Variants in TNNI3K observed in about 807,000 individuals in gnomAD.
TNNI3K encodes serine/threonine-protein kinase TNNI3K.
A neutral mutation model predicts 114.5 loss-of-function variants in TNNI3K; 140 were observed. That is an observed-to-expected ratio of 1.22 (90% CI 1.07 to 1.41). TNNI3K has a LOEUF of 1.41. Ranked by LOEUF, TNNI3K falls within the 40% of genes most tolerant of loss-of-function variation. The pLI, the probability that TNNI3K is intolerant of heterozygous loss-of-function variation, is 0.00. For missense variants in TNNI3K, 1,125 were observed against 1,007.6 expected (o/e 1.12, Z -1.58); for synonymous variants, 347 against 347.5 (o/e 1.00, Z 0.02).
At chr1:74,504,045 T>A (rs542478205) in intron 23 of TNNI3K, among the ~76,000 whole-genome samples, 2 of 152,310 alleles carry the variant, frequency 1.3e-5, no homozygotes, top group South Asian at 4.1e-4. Context: ...ACATAACACC[T>A]CTTCACCGCA....
chr1:74,450,930 A>G (rs910878019), intron 20 of TNNI3K, among the ~76,000 whole-genome samples: 40 of 152,212 alleles, frequency 2.6e-4, no homozygotes, highest in African/African-American at 8.9e-4. Context: ...TCATTCTATT[A>G]TAAAGATACA....
chr1:74,304,647 GT>G (rs1217485203), intron 5 of TNNI3K, among the ~76,000 whole-genome samples: 6 of 151,882 alleles, frequency 4.0e-5, no homozygotes, highest in Admixed American at 3.9e-4. Flanking sequence ...GTCTCACTAT[GT>G]TTCCCGGGCT....
chr1:74,386,566 T>C (rs557608297), intron 17 of TNNI3K, among the ~76,000 whole-genome samples: 1 of 152,274 alleles, frequency 6.6e-6, no homozygotes, highest in South Asian at 2.1e-4. Context: ...GCCATATAAA[T>C]AATATAATTC....
At chr1:74,376,554 C>T (rs1266727212) in intron 17 of TNNI3K, 1 of 151,938 alleles carries the variant, frequency 6.6e-6, no homozygotes, top group African/African-American at 2.4e-5. Context: ...CCTTGACAAC[C>T]CTGTATCTGT....
chr1:74,254,733 G>A (rs958166744), intron 4 of TNNI3K, among the ~76,000 whole-genome samples: 14 of 152,058 alleles, frequency 9.2e-5, no homozygotes, highest in African/African-American at 1.4e-4. Flanking sequence ...TGGATCTCGC[G>A]CAAGAAAGAA....
At chr1:74,318,620 T>C (rs1245443867) in intron 5 of TNNI3K, among the ~76,000 whole-genome samples, 1 of 152,244 alleles carries the variant, frequency 6.6e-6, no homozygotes, top group Non-Finnish European at 1.5e-5. Context: ...TTTATACCTC[T>C]CTATAGCTTT....
intron 7 of TNNI3K, among the ~76,000 whole-genome samples, chr1:74,340,563 G>C (rs575701016): frequency 1.1e-4 from 16 of 152,198 alleles, no homozygotes; most frequent in South Asian, 8.3e-4. Flanking sequence ...TCTTTGATGG[G>C]AATAATGTTT....
intron 5 of TNNI3K, among the ~76,000 whole-genome samples, chr1:74,328,577 AAACT>A (rs970343915): frequency 1.3e-5 from 2 of 152,118 alleles, no homozygotes; most frequent in Non-Finnish European, 2.9e-5. Context: ...ATTTTAAAAC[AAACT>A]AAGTAAAGCC....
chr1:74,356,989 G>T (rs1255078842), intron 11 of TNNI3K, among the ~76,000 whole-genome samples: 1 of 152,170 alleles, frequency 6.6e-6, no homozygotes, highest in African/African-American at 2.4e-5. Context: ...AAATGGAATT[G>T]TTGCTATTTT....
At chr1:74,478,973 G>GGTA (rs1668343507) in intron 21 of TNNI3K, among the ~76,000 whole-genome samples, 1 of 152,128 alleles carries the variant, frequency 6.6e-6, no homozygotes, top group Non-Finnish European at 1.5e-5. Context: ...TACTGCTGAT[G>GGTA]GTAGTTCCAT....
At position 74,516,104 on chromosome 1, in the gene TNNI3K, G is replaced by C. The variant is rs138757356; in HGVS notation, c.2351+23838G>C. Among the ~76,000 whole-genome samples the C allele has an allele frequency of 1.4e-4, 22 of 152,310 alleles. No individual in the cohort carries two copies. The East Asian group carries it at 3.7e-3, about 25-fold the overall frequency. On this transcript the variant is annotated intron_variant, in intron 23 of 24. Transcript: ENST00000326637. ...TTTGAGTTGGAACTAGGCTGAGAAT[G>C]TAGGTCTGAAGTGCAAATCATCCCT...
rs184881523 is a variant in TNNI3K at position 74,336,042 on chromosome 1, A to T, written c.575A>T (p.Asp192Val). Residue 192 changes from aspartate to valine, a missense_variant, in exon 7 of 25, where the codon GAT becomes GTT. Coordinates refer to ENST00000326637, the MANE Select transcript of TNNI3K (RefSeq NM_015978.3). Reference protein sequence around the residue: ...VTRLLLKFGADVNVSGEVGDR... With the variant: ...VTRLLLKFGAVVNVSGEVGDR... ...CGCCTTCTTTTGAAATTTGGTGCTGATGTAAATGTAAGTGGTGAAGTTGGA... is the reference window on the plus strand; with the variant it reads ...CGCCTTCTTTTGAAATTTGGTGCTGTTGTAAATGTAAGTGGTGAAGTTGGA... The T allele has an allele frequency of 6.3e-7, 1 of 1,588,866 alleles. No homozygotes were observed. The highest frequency in any genetic ancestry group is 1.9e-5 in the Admixed American group (1 of 51,780).
At chr1:74,413,004 G>T (rs1664958152) in intron 17 of TNNI3K, among the ~76,000 whole-genome samples, 1 of 152,282 alleles carries the variant, frequency 6.6e-6, no homozygotes, top group Non-Finnish European at 1.5e-5. Context: ...CTCAGTGAAA[G>T]ATAGTCATTG....
intron 23 of TNNI3K, among the ~76,000 whole-genome samples, chr1:74,494,705 T>C (rs2100315935): frequency 6.6e-6 from 1 of 152,350 alleles, no homozygotes. Flanking sequence ...TGAAGTTAAA[T>C]CTTGGCTTTG....
intron 20 of TNNI3K, among the ~76,000 whole-genome samples, chr1:74,456,688 G>T (rs1180062849): frequency 1.3e-5 from 2 of 152,126 alleles, no homozygotes; most frequent in Non-Finnish European, 2.9e-5. Context: ...GACGCCAGCT[G>T]GTTCACAAAG....
At chr1:74,350,473 G>A (rs934702066) in intron 9 of TNNI3K, among the ~76,000 whole-genome samples, 2 of 152,184 alleles carry the variant, frequency 1.3e-5, no homozygotes, top group Non-Finnish European at 2.9e-5. Context: ...TTCTGTAGAT[G>A]TCTATTAGGT....
chr1:74,361,110 T>C (rs377304815), intron 11 of TNNI3K, among the ~76,000 whole-genome samples: 49 of 152,248 alleles, frequency 3.2e-4, no homozygotes, highest in Middle Eastern at 3.4e-3. Context: ...TCTGTAAATA[T>C]CATAGGTTCC....
intron 5 of TNNI3K, among the ~76,000 whole-genome samples, chr1:74,319,554 T>C (rs758376570): frequency 2.6e-5 from 4 of 152,186 alleles, no homozygotes; most frequent in South Asian, 2.1e-4. Context: ...AGATATGGAC[T>C]CCATTACCCC....
At chr1:74,243,068 G>A (rs1464978749) in intron 2 of TNNI3K, among the ~76,000 whole-genome samples, 1 of 152,014 alleles carries the variant, frequency 6.6e-6, no homozygotes, top group Non-Finnish European at 1.5e-5. Context: ...AACTATTATA[G>A]CAGCTAATAT....
Sources: gnomAD v4.1 joint callset for allele counts (sites outside exome capture counted in the v4.1 genomes callset) on GRCh38, gnomAD v4.1.1 for gene constraint, MANE v1.5 for transcripts, NCBI Gene and HGNC (gene_info 2026-07-23, HGNC 2026-07-21) for gene names.